The following SCMH1 variants were observed in gnomAD, a reference collection of about 807,000 sequenced individuals.
The protein encoded by SCMH1 is polycomb protein SCMH1.
In SCMH1, 37 loss-of-function variants were observed where a neutral mutation model predicts 70.8. The observed-to-expected ratio is 0.52, with a 90% CI of 0.40 to 0.69. The LOEUF is 0.69. Among genes scored for constraint, SCMH1 ranks in the 30% least tolerant of loss-of-function variants. The pLI is 0.00. For missense variants in SCMH1, 607 were observed against 827.3 expected, an observed-to-expected ratio of 0.73 and a Z score of 3.27; for synonymous variants, 292 against 307.4, an observed-to-expected ratio of 0.95 and a Z score of 0.52.
chr1:41,113,241 C>T lies in SCMH1; in HGVS notation c.745+42G>A, dbSNP rs749232979. 5.0e-6 allele frequency: 8 copies of T among 1,595,290 alleles called. No homozygotes were observed. The Admixed American group carries it at 8.7e-5, about 17-fold the overall frequency. On this transcript the variant is annotated intron_variant, in intron 8 of 14. Coordinates refer to ENST00000337495, the Ensembl canonical transcript of SCMH1. The surrounding 1 kb of genome is among the most constrained non-coding windows in gnomAD (Gnocchi z 4.3). Reference sequence around the variant, plus strand: ...GACAGCCCTGGGTAGTCTCCCTTATCATCTGGGTCCTGATTTCAAGAGCAC... The same window carrying T: ...GACAGCCCTGGGTAGTCTCCCTTATTATCTGGGTCCTGATTTCAAGAGCAC...
At chr1:41,233,149 G>A (rs991172528) in intron 1 of SCMH1, among the ~76,000 whole-genome samples, 3 of 152,106 alleles carry the variant, frequency 2.0e-5, no homozygotes, top group African/African-American at 7.2e-5. Context: ...CAGAACCACT[G>A]AGTGGCAAAC....
chr1:41,089,787 C>CTCTTTTTTTTTTTTTTTTTTTTTTTT (rs1240914488), intron 8 of SCMH1, among the ~76,000 whole-genome samples: 2 of 58,756 alleles, frequency 3.4e-5, no homozygotes, highest in African/African-American at 1.5e-4. Flanking sequence ...CATGTTGTCT[C>CTCTTTTTTTTTTTTTTTTTTTTTTTT]TTTTTTTTTT....
At chr1:41,172,502 A>G (rs999315821) in intron 2 of SCMH1, among the ~76,000 whole-genome samples, 3 of 152,152 alleles carry the variant, frequency 2.0e-5, no homozygotes, top group Non-Finnish European at 4.4e-5. Context: ...TAAAATGACC[A>G]TACTACCAAA....
chr1:41,079,932 T>C (rs1352640856), intron 8 of SCMH1, among the ~76,000 whole-genome samples: 2 of 152,220 alleles, frequency 1.3e-5, no homozygotes, highest in Non-Finnish European at 2.9e-5. Flanking sequence ...CTGTTGGCTC[T>C]TGTCTGCCCT....
At chr1:41,146,779 C>G (rs12072530) in intron 5 of SCMH1, among the ~76,000 whole-genome samples, 6 of 152,082 alleles carry the variant, frequency 3.9e-5, no homozygotes, top group African/African-American at 1.4e-4. Flanking sequence ...CAGAGCATAT[C>G]CCTATCGTTA....
At chr1:41,178,078 A>G (rs1471121608) in intron 2 of SCMH1, among the ~76,000 whole-genome samples, 1 of 152,234 alleles carries the variant, frequency 6.6e-6, no homozygotes, top group Non-Finnish European at 1.5e-5. Flanking sequence ...AGCAGGGACC[A>G]ATATTCAACA....
At chr1:41,210,571 G>C (rs908949168) in intron 1 of SCMH1, among the ~76,000 whole-genome samples, 3 of 152,082 alleles carry the variant, frequency 2.0e-5, no homozygotes, top group African/African-American at 7.2e-5. Flanking sequence ...ACAACCATCT[G>C]ATCTTTTGCA....
At chr1:41,082,830 C>T (rs1296494551) in intron 8 of SCMH1, among the ~76,000 whole-genome samples, 3 of 152,202 alleles carry the variant, frequency 2.0e-5, no homozygotes, top group African/African-American at 7.2e-5. Flanking sequence ...ATACACAAAT[C>T]AATAAATGTA....
intron 8 of SCMH1, 140 bp from the exon 9 acceptor site, chr1:41,075,591 A>G: frequency 1.5e-6 from 1 of 653,230 alleles, no homozygotes; most frequent in Non-Finnish European, 2.6e-6. Flanking sequence ...CCTAAATGTT[A>G]AGGAAATCTC....
chr1:41,204,518 A>T (rs1305738971), intron 1 of SCMH1, among the ~76,000 whole-genome samples: 3 of 152,062 alleles, frequency 2.0e-5, no homozygotes, highest in South Asian at 4.1e-4. Context: ...GCTTTGCTCC[A>T]GCTATACTGG....
At chr1:41,163,246 C>T (rs1000667820) in intron 2 of SCMH1, among the ~76,000 whole-genome samples, 8 of 54 alleles carry the variant, frequency 0.15, no homozygotes, top group Non-Finnish European at 0.25. Flanking sequence ...CTGGAGCTGC[C>T]CACTTGCGGC....
intron 12 of SCMH1, 37 bp from the exon 13 acceptor site, chr1:41,037,578 G>A: frequency 1.3e-6 from 2 of 1,585,386 alleles, no homozygotes; most frequent in Non-Finnish European, 1.7e-6. Context: ...AGCTTAGAAG[G>A]ACTGCCAGAG....
At chr1:41,107,062 T>G (rs554909666) in intron 8 of SCMH1, among the ~76,000 whole-genome samples, 6 of 151,934 alleles carry the variant, frequency 3.9e-5, no homozygotes, top group African/African-American at 1.5e-4. Context: ...CTGTTTCCAC[T>G]GCTAGAGAGA....
At chr1:41,156,258 C>A (rs953355278) in intron 4 of SCMH1, among the ~76,000 whole-genome samples, 1 of 152,176 alleles carries the variant, frequency 6.6e-6, no homozygotes, top group Non-Finnish European at 1.5e-5. Context: ...CATTCCTTTA[C>A]AAGAACTCTA....
At chr1:41,138,235 A>T (rs2148169876) in intron 6 of SCMH1, among the ~76,000 whole-genome samples, 1 of 152,306 alleles carries the variant, frequency 6.6e-6, no homozygotes, top group Non-Finnish European at 1.5e-5. Flanking sequence ...AAATTTTCTT[A>T]GAATACAATA....
At chr1:41,169,587 A>G (rs1188753736) in intron 2 of SCMH1, among the ~76,000 whole-genome samples, 2 of 151,994 alleles carry the variant, frequency 1.3e-5, no homozygotes, top group Non-Finnish European at 2.9e-5. Context: ...AAGTTGGGAC[A>G]CTCGTTGTGT....
In SCMH1 at chr1:41,028,550, G is replaced by C. The variant is rs11578697; in HGVS notation, c.1821+34C>G. The C allele has an allele frequency of 6.2e-7, 1 of 1,612,904 alleles. No individual in the cohort carries two copies. The highest frequency in any genetic ancestry group is 8.5e-7 in the Non-Finnish European group (1 of 1,179,264). On this transcript the variant is annotated intron_variant, in intron 14 of 14. Coordinates refer to ENST00000337495, the Ensembl canonical transcript of SCMH1. ...CCCACCAGGTGAGGCTCTCCACACA[G>C]GTTCCTACTGAGAGGTCAGGCAGCA...
chr1:41,232,032 A>G (rs1335005285), intron 1 of SCMH1, among the ~76,000 whole-genome samples: 3 of 152,004 alleles, frequency 2.0e-5, no homozygotes, highest in Non-Finnish European at 4.4e-5. Context: ...AAAAAAAAAA[A>G]AAAAAGAAAT....
intron 13 of SCMH1, among the ~76,000 whole-genome samples, chr1:41,032,644 G>A (rs1644692917): frequency 6.6e-6 from 1 of 152,138 alleles, no homozygotes; most frequent in Non-Finnish European, 1.5e-5. Context: ...CATTGTCTAT[G>A]TTGGTAACAG....
Sources: gnomAD v4.1 joint callset for allele counts (sites outside exome capture counted in the v4.1 genomes callset) on GRCh38, gnomAD v4.1.1 for gene constraint, Gnocchi (gnomAD v3.1) non-coding constraint, MANE v1.5 for transcripts, NCBI Gene and HGNC (gene_info 2026-07-23, HGNC 2026-07-21) for gene names.